Variants in MUC17 observed in about 807,000 individuals in gnomAD.
MUC17 encodes mucin-17.
In MUC17, 190 loss-of-function variants were observed where a neutral mutation model predicts 170.3. That is an observed-to-expected ratio of 1.12 (90% CI 0.99 to 1.26). The LOEUF (loss-of-function observed/expected upper bound fraction) is 1.26, where lower values mean the gene tolerates loss of function less well. Ranked by LOEUF, MUC17 falls within the 50% of genes most tolerant of loss-of-function variation. The probability of loss-of-function intolerance (pLI) is 0.00; values close to 1 mark genes in which losing one functional copy is unlikely to be tolerated. For missense variants in MUC17, 6,415 were observed against 5,530.0 expected, an observed-to-expected ratio of 1.16 and a Z score of -5.08; for synonymous variants, 2,325 against 2,002.5, an observed-to-expected ratio of 1.16 and a Z score of -4.30.
rs772426677 is a variant in MUC17, at chr7:101,043,485, T to A, written c.12069T>A (p.Thr4023=). Reference sequence around the variant, plus strand: ...GAACAACCAGCAGAGGCTGCACTACTTCTGCATCAACGCTTTCTGCAACCA... The same window carrying A: ...GAACAACCAGCAGAGGCTGCACTACATCTGCATCAACGCTTTCTGCAACCA... ...TPRTTSRGCT[T]SASTLSATST... is the part of the protein sequence containing the mutation. The change falls in exon 3 of 13, where the codon ACT becomes ACA. Residue 4023 remains threonine (T), a synonymous_variant. Transcript: ENST00000306151. The A allele has an allele frequency of 1.4e-5, 23 of 1,614,228 alleles. No individual in the cohort carries two copies. In the South Asian group the frequency reaches 2.1e-4, roughly 15 times the overall value.
At position 101,029,195 on chromosome 7, in the gene MUC17, GAA is replaced by G. The variant is rs35238191; in HGVS notation, c.83-1914_83-1913del. Among the ~76,000 whole-genome samples, 1,324 of 133,764 alleles carry G rather than the reference GAA, an allele frequency of 9.9e-3. 27 individuals carry two copies. The highest frequency in any genetic ancestry group is 0.034 in the African/African-American group (1,235 of 36,158). The allele number at this position is 133,764 out of a possible 152,430, so 87.8% of individuals were successfully genotyped here. On this transcript the variant is annotated intron_variant, in intron 1 of 12. Transcript: ENST00000306151. ...AAGAGCAAAACTACATCTCAAAAAA[GAA>G]AAAAAAAAAATAGCTGGACACGGTG...
chr7:101,044,706 G>T (rs1374330221), intron 3 of MUC17, among the ~76,000 whole-genome samples: 1 of 152,178 alleles, frequency 6.6e-6, no homozygotes, highest in African/African-American at 2.4e-5. Flanking sequence ...TTAACTCTGA[G>T]TGGTTTGTTT....
At chr7:101,053,290 T>C (rs1195851731) in intron 10 of MUC17, 49 bp from the exon 11 acceptor site, 9 of 1,595,006 alleles carry the variant, frequency 5.6e-6, no homozygotes, top group Non-Finnish European at 2.6e-6. Flanking sequence ...CTGGTCCTTA[T>C]TCCTGTTCCC....
chr7:101,053,065 G>T lies in MUC17; in HGVS notation c.13183G>T (p.Val4395Leu). The T allele has an allele frequency of 6.2e-7, 1 of 1,614,130 alleles. No homozygotes were observed. The highest frequency in any genetic ancestry group is 1.1e-5 in the South Asian group (1 of 91,084). The stretch of plus-strand genomic sequence containing the variant: ...CCAGAAGAGTCTGGTGTACGGCCTC[G>T]TGGGGGCAGGGGTCGTGCTGATGCT... ...GTQKSLVYGLVGAGVVLMLII... is the reference protein window; with the variant it reads ...GTQKSLVYGLLGAGVVLMLII... Residue 4395 changes from valine (V) to leucine (L), a missense_variant, in exon 10 of 13, where the codon GTG becomes TTG. Val to Leu is a conservative substitution (Grantham distance 32, BLOSUM62 1). Coordinates refer to ENST00000306151, the MANE Select transcript of MUC17 (RefSeq NM_001040105.2).
At chr7:101,052,919 G>A in intron 9 of MUC17, 67 bp from the exon 10 acceptor site, 1 of 1,556,276 alleles carries the variant, frequency 6.4e-7, no homozygotes, top group African/African-American at 1.4e-5. Flanking sequence ...ACTGGGCAGG[G>A]CCCAGGTCTG....
chr7:101,035,353 A>T lies in MUC17; in HGVS notation c.3937A>T (p.Asn1313Tyr). 6.2e-7 allele frequency: 1 copy of T among 1,610,312 alleles called. No individual in the cohort carries two copies. Among genetic ancestry groups the T allele is most frequent in the Non-Finnish European group, 8.5e-7 (1 of 1,178,088 alleles). ...VDTKGPVVTS[N>Y]EVSSSPTPAE... ...CACTAAAGGTCCTGTGGTCACTTCT[A>T]ATGAAGTCAGTTCATCTCCTACACC... The change falls in exon 3 of 13, where the codon AAT becomes TAT. Residue 1313 changes from asparagine to tyrosine, a missense_variant. By Grantham distance (143) the Asn-to-Tyr change is moderately radical (BLOSUM62 -2). Coordinates refer to ENST00000306151, the MANE Select transcript of MUC17 (RefSeq NM_001040105.2).
In MUC17 at chr7:101,038,977, C is replaced by A. The variant is rs768124622; in HGVS notation, c.7561C>A (p.Pro2521Thr). The change falls in exon 3 of 13, where the codon CCT (proline) becomes ACT (threonine). Residue 2521 changes from proline to threonine, a missense_variant. Physicochemically the swap from Pro to Thr is conservative, Grantham distance 38. Coordinates refer to ENST00000306151, the MANE Select transcript of MUC17 (RefSeq NM_001040105.2). ...AGGAAGTACTCTATTAACAAGTATACCTGTCAGCACCACGCCAGTGGCCAG... is the reference window on the plus strand; with the variant it reads ...AGGAAGTACTCTATTAACAAGTATAACTGTCAGCACCACGCCAGTGGCCAG... ...SEGSTLLTSI[P>T]VSTTPVASPE... 6.2e-7 allele frequency: 1 copy of A among 1,614,098 alleles called. No homozygotes were observed. Among genetic ancestry groups the A allele is most frequent in the Non-Finnish European group, 8.5e-7 (1 of 1,180,014 alleles).
At chr7:101,049,302 A>C in intron 5 of MUC17, 22 bp from the exon 6 acceptor site, 1 of 1,614,108 alleles carries the variant, frequency 6.2e-7, no homozygotes. Context: ...CTGGGATGAC[A>C]CAGTGGCCCC....
chr7:101,048,948 G>C lies in MUC17; in HGVS notation c.12639G>C (p.Glu4213Asp), dbSNP rs148758391. Residue 4213 changes from glutamate to aspartate, a missense_variant, in exon 5 of 13, where the codon GAG (glutamate) becomes GAC (aspartate). Transcript: ENST00000306151. ...ACCACTCTTCCCAGGAATTCCAGGAGTTCAAACAGACATTCACGGAACAGG... is the reference window on the plus strand; with the variant it reads ...ACCACTCTTCCCAGGAATTCCAGGACTTCAAACAGACATTCACGGAACAGG... ...LKNHSSQEFQEFKQTFTEQMN... is the reference protein window; with the variant it reads ...LKNHSSQEFQDFKQTFTEQMN... 6.2e-7 allele frequency: 1 copy of C among 1,614,194 alleles called. No individual in the cohort carries two copies. Among genetic ancestry groups the C allele is most frequent in the Non-Finnish European group, 8.5e-7 (1 of 1,180,024 alleles).
chr7:101,050,048 G>C (rs963572827), intron 6 of MUC17, among the ~76,000 whole-genome samples: 2 of 152,152 alleles, frequency 1.3e-5, no homozygotes, highest in Non-Finnish European at 2.9e-5. Flanking sequence ...GGAGGATCAC[G>C]TGAGCCCAGG....
Position 101,032,847 on chromosome 7 carries a change from T to G in MUC17, c.1431T>G (p.Val477=). ...SEASNLSTTP[V]DSKTQVTTST... The stretch of plus-strand genomic sequence containing the variant: ...CTAGCAACCTTTCAACAACTCCTGT[T>G]GACTCCAAAACTCAGGTGACCACTT... Residue 477 remains valine (V), a synonymous_variant, in exon 3 of 13, where the codon GTT becomes GTG. Coordinates refer to ENST00000306151, the MANE Select transcript of MUC17 (RefSeq NM_001040105.2). The G allele has an allele frequency of 6.2e-7, 1 of 1,613,820 alleles. No homozygotes were observed. The highest frequency in any genetic ancestry group is 8.5e-7 in the Non-Finnish European group (1 of 1,179,950).
At chr7:101,052,850 G>A in intron 9 of MUC17, 136 bp from the exon 10 acceptor site, 1 of 962,802 alleles carries the variant, frequency 1.0e-6, no homozygotes, top group Non-Finnish European at 1.5e-6. Context: ...CATCCCCTCG[G>A]GGTGCCTTGC....
chr7:101,047,517 C>T (rs572429509), intron 3 of MUC17, among the ~76,000 whole-genome samples: 2 of 152,244 alleles, frequency 1.3e-5, no homozygotes, highest in East Asian at 3.9e-4. Flanking sequence ...CCCCTGGGGT[C>T]TCATGAGAGT....
In MUC17 at chr7:101,050,583, GA is replaced by G; in HGVS notation, c.12826del (p.Ile4276SerfsTer4). 1 of 1,614,152 alleles carries G rather than the reference GA, an allele frequency of 6.2e-7. No individual in the cohort carries two copies. The highest frequency in any genetic ancestry group is 8.5e-7 in the Non-Finnish European group (1 of 1,180,008). On this transcript the variant is annotated frameshift_variant, in exon 7 of 13. Transcript: ENST00000306151. LOFTEE classifies it high-confidence loss of function. ...LDNATEVVKE[K>X]ITKVTTQQIM... is the part of the protein sequence containing the mutation. Reference sequence around the variant, plus strand: ...ACAATGCCACCGAAGTAGTGAAAGAGAAAATCACAAAAGTGACCACACAGCA... The same window carrying G: ...ACAATGCCACCGAAGTAGTGAAAGAGAAATCACAAAAGTGACCACACAGCA...
intron 12 of MUC17, among the ~76,000 whole-genome samples, chr7:101,056,846 A>AT (rs71517136): frequency 0.13 from 19,032 of 150,958 alleles, 1,335 homozygotes; most frequent in African/African-American, 0.17. Context: ...TTTTATTACT[A>AT]TTTTTTTTTC....
intron 1 of MUC17, among the ~76,000 whole-genome samples, chr7:101,022,291 C>T (rs965791040): frequency 2.0e-5 from 3 of 152,030 alleles, no homozygotes; most frequent in African/African-American, 7.3e-5. Flanking sequence ...CTCAGCCTCC[C>T]GAGTAGCTGG....
rs1308842547 is a variant in MUC17, at chr7:101,032,114, C to G, written c.698C>G (p.Ala233Gly). 1 of 1,612,392 alleles carries G rather than the reference C, an allele frequency of 6.2e-7. No individual in the cohort carries two copies. Reference sequence around the variant, plus strand: ...ACCATGAAGGTGGCCAGTTCAGAGGCTATCACCCTTTTGACAACTCCTGTT... The same window carrying G: ...ACCATGAAGGTGGCCAGTTCAGAGGGTATCACCCTTTTGACAACTCCTGTT... ...ASTMKVASSE[A>G]ITLLTTPVEI... The change falls in exon 3 of 13, where the codon GCT (alanine) becomes GGT (glycine). Residue 233 changes from alanine to glycine, a missense_variant. By Grantham distance (60) the Ala-to-Gly change is moderately conservative. Transcript: ENST00000306151.
intron 4 of MUC17, 30 bp from the exon 5 acceptor site, chr7:101,048,815 T>C (rs748664443): frequency 1.2e-6 from 2 of 1,612,148 alleles, no homozygotes; most frequent in African/African-American, 2.7e-5. Flanking sequence ...AACTCAGAGA[T>C]GCTTTGCTCA....
chr7:101,043,075 A>C lies in MUC17; in HGVS notation c.11659A>C (p.Thr3887Pro), dbSNP rs147541511. 6 of 1,614,002 alleles carry C rather than the reference A, an allele frequency of 3.7e-6. No individual in the cohort carries two copies. Among genetic ancestry groups the C allele is most frequent in the Non-Finnish European group, 4.2e-6 (5 of 1,180,030 alleles). Residue 3887 changes from threonine to proline, a missense_variant, in exon 3 of 13, where the codon ACT becomes CCT. Coordinates refer to ENST00000306151, the MANE Select transcript of MUC17 (RefSeq NM_001040105.2). ...TTLLVSTTLPTSFPGASIAST... is the reference protein window; with the variant it reads ...TTLLVSTTLPPSFPGASIAST... ...TCTCCTTGTCAGCACCACACTTCCA[A>C]CTAGCTTTCCTGGGGCCAGCATAGC...
Sources: allele counts gnomAD v4.1 joint callset (sites outside exome capture counted in the v4.1 genomes callset), GRCh38; gene constraint gnomAD v4.1.1; transcripts MANE v1.5; gene names NCBI Gene and HGNC (gene_info 2026-07-23, HGNC 2026-07-21).